The following ULK2 variants were observed in gnomAD, a reference collection of about 807,000 sequenced individuals.
ULK2 encodes unc-51 like autophagy activating kinase 2, also known as serine/threonine-protein kinase ULK2.
A neutral mutation model predicts 127.5 loss-of-function variants in ULK2; 76 were observed. That is an observed-to-expected ratio of 0.60 (90% confidence interval 0.50 to 0.72). The LOEUF (loss-of-function observed/expected upper bound fraction) is 0.72, where lower values mean the gene tolerates loss of function less well. Among genes scored for constraint, ULK2 ranks in the 30% least tolerant of loss-of-function variants. The pLI is 0.00. For synonymous variants in ULK2, 452 were observed against 461.9 expected, an observed-to-expected ratio of 0.98 and a Z score of 0.28; for missense variants, 1,144 against 1,295.9, an observed-to-expected ratio of 0.88 and a Z score of 1.80.
chr17:19,860,936 C>A (rs1458172304), intron 3 of ULK2: 3 of 151,990 alleles, frequency 2.0e-5, no homozygotes, highest in Non-Finnish European at 4.4e-5. Context: ...CAATGCAGCT[C>A]CCACCTTAAT....
intron 15 of ULK2, among the ~76,000 whole-genome samples, chr17:19,802,175 C>A (rs1304387352): frequency 2.6e-5 from 4 of 152,160 alleles, no homozygotes; most frequent in African/African-American, 9.7e-5. Flanking sequence ...GTATATCCTT[C>A]CAGAGTTCCT....
intron 22 of ULK2, among the ~76,000 whole-genome samples, chr17:19,782,344 G>C (rs2086937359): frequency 6.6e-6 from 1 of 152,002 alleles, no homozygotes; most frequent in Non-Finnish European, 1.5e-5. Flanking sequence ...AAAAAGAAAA[G>C]AAAGCTGAAC....
At chr17:19,807,219 A>AACCTGCTC (rs1448300909) in intron 14 of ULK2, among the ~76,000 whole-genome samples, 1 of 152,196 alleles carries the variant, frequency 6.6e-6, no homozygotes, top group Non-Finnish European at 1.5e-5. Context: ...AAGTGGAGAT[A>AACCTGCTC]ACCTGCTCAT....
rs2087111421 is a variant in ULK2, at chr17:19,789,758, T to C, written c.2102-3672A>G. 1.3e-5 allele frequency among the ~76,000 whole-genome samples: 2 copies of C among 151,574 alleles called. 1 individual carries two copies. The highest frequency in any genetic ancestry group is 1.3e-4 in the Admixed American group (2 of 15,220). On this transcript the variant is annotated intron_variant, in intron 20 of 26. Transcript: ENST00000395544. ...GAGGTGAAAAATGCAATTGACACAC[T>C]GAAGAATGCAATGGAGTCTCTTAAT...
intron 10 of ULK2, among the ~76,000 whole-genome samples, chr17:19,832,767 T>C (rs868630202): frequency 6.6e-6 from 1 of 152,180 alleles, no homozygotes; most frequent in Admixed American, 6.5e-5. Flanking sequence ...GATAAATCAA[T>C]GTTCAAAAAC....
chr17:19,847,887 G>A (rs2041921100), intron 5 of ULK2, among the ~76,000 whole-genome samples: 1 of 152,140 alleles, frequency 6.6e-6, no homozygotes, highest in Non-Finnish European at 1.5e-5. Context: ...AGAGCATGTT[G>A]TGGTTAACAG....
At chr17:19,815,185 G>A (rs1204869782) in intron 13 of ULK2, among the ~76,000 whole-genome samples, 1 of 152,112 alleles carries the variant, frequency 6.6e-6, no homozygotes, top group East Asian at 1.9e-4. Context: ...GAAATCTACA[G>A]GAAGAATATA....
intron 21 of ULK2, among the ~76,000 whole-genome samples, chr17:19,784,834 T>G (rs2086994904): frequency 6.6e-6 from 1 of 152,086 alleles, no homozygotes; most frequent in Non-Finnish European, 1.5e-5. Context: ...TCTTGGGCAT[T>G]GTACTTTTTA....
At chr17:19,862,639 T>C (rs1352991138) in intron 3 of ULK2, among the ~76,000 whole-genome samples, 1 of 151,940 alleles carries the variant, frequency 6.6e-6, no homozygotes, top group Middle Eastern at 3.2e-3. Flanking sequence ...CTAATTTTTG[T>C]ATTTTTAGTA....
intron 10 of ULK2, among the ~76,000 whole-genome samples, chr17:19,826,852 G>C (rs1015271085): frequency 6.6e-6 from 1 of 151,976 alleles, no homozygotes; most frequent in Non-Finnish European, 1.5e-5. Context: ...AGCTACTCGG[G>C]AGGCTGAGGC....
Position 19,804,722 on chromosome 17 carries a change from G to C in ULK2, c.1266C>G (p.Ser422Arg). The C allele has an allele frequency of 6.2e-7, 1 of 1,609,088 alleles. No homozygotes were observed. The highest frequency in any genetic ancestry group is 8.5e-7 in the Non-Finnish European group (1 of 1,177,204). ...GAGAACCATGTACATTTGTGCCTGA[G>C]CTGGCAGTAGATGTAAGATTCTGCT... Reference protein sequence around the residue: ...RIEQNLTSTASSGTNVHGSPR... With the variant: ...RIEQNLTSTARSGTNVHGSPR... The change falls in exon 15 of 27, where the codon AGC becomes AGG. Residue 422 changes from serine to arginine, a missense_variant. By Grantham distance (110) the Ser-to-Arg change is moderately radical. This residue lies in a region of ULK2 where 913 missense variants were observed against 970.5 expected (regional missense o/e 0.94). Coordinates refer to ENST00000395544, the MANE Select transcript of ULK2 (RefSeq NM_014683.4).
intron 10 of ULK2, among the ~76,000 whole-genome samples, chr17:19,830,308 C>T (rs906795000): frequency 3.9e-5 from 6 of 152,104 alleles, no homozygotes; most frequent in African/African-American, 1.4e-4. Context: ...GAAGTAATCC[C>T]TCTTACCTCA....
rs961881207 is a variant in ULK2, at chr17:19,865,844, A to T, written c.91-16T>A. 3 of 1,449,864 alleles carry T rather than the reference A, an allele frequency of 2.1e-6. No homozygotes were observed. The highest frequency in any genetic ancestry group is 2.8e-5 in the African/African-American group (2 of 70,806). The allele number at this position is 1,449,864 out of a possible 1,614,324, so 89.8% of individuals were successfully genotyped here. ...AATCAGTTTTCTGAAAAGGAAAAACAGTGTTACTCCTAGATACCATTCCAC... is the reference window on the plus strand; with the variant it reads ...AATCAGTTTTCTGAAAAGGAAAAACTGTGTTACTCCTAGATACCATTCCAC... On this transcript the variant is annotated splice_polypyrimidine_tract_variant and intron_variant, in intron 1 of 26. Coordinates refer to ENST00000395544, the MANE Select transcript of ULK2 (RefSeq NM_014683.4).
At chr17:19,799,878 G>A (rs1230760678) in intron 16 of ULK2, among the ~76,000 whole-genome samples, 1 of 152,230 alleles carries the variant, frequency 6.6e-6, no homozygotes, top group Non-Finnish European at 1.5e-5. Flanking sequence ...CAAAGAGTTT[G>A]TACAAAGTGT....
intron 13 of ULK2, among the ~76,000 whole-genome samples, chr17:19,814,438 A>ATTTTTTTTT (rs1187090319): frequency 8.6e-5 from 2 of 23,332 alleles, no homozygotes; most frequent in African/African-American, 3.8e-4. Context: ...ATATATATAT[A>ATTTTTTTTT]TTTTTTTTTT....
rs776840212 is a variant in ULK2, at chr17:19,780,548, G to A, written c.2840C>T (p.Ser947Phe). ...KLTEKLNRFF[S>F]DKQRFIDEIN... ...TTCATCAATAAACCTCTGTTTGTCA[G>A]AGAAGAATCGATTCAGCTTTTCTGT... The change falls in exon 25 of 27, where the codon TCT (serine) becomes TTT (phenylalanine). Residue 947 changes from serine to phenylalanine, a missense_variant. Around this residue, in one of 2 missense-constraint regions of ULK2, gnomAD observed 913 missense variants for 970.5 expected, o/e 0.94. Transcript: ENST00000395544. 2.3e-5 allele frequency: 37 copies of A among 1,613,790 alleles called. No homozygotes were observed. Among genetic ancestry groups the A allele is most frequent in the Non-Finnish European group, 3.1e-5 (36 of 1,179,942 alleles).
At chr17:19,782,622 A>C (rs2152381936) in intron 22 of ULK2, among the ~76,000 whole-genome samples, 1 of 152,334 alleles carries the variant, frequency 6.6e-6, no homozygotes, top group South Asian at 2.1e-4. Flanking sequence ...TCATTTAAAA[A>C]TGGGCATTCT....
At position 19,801,905 on chromosome 17, in the gene ULK2, C is replaced by T; in HGVS notation, c.1313G>A (p.Arg438Lys). The T allele has an allele frequency of 6.2e-7, 1 of 1,608,380 alleles. No homozygotes were observed. The highest frequency in any genetic ancestry group is 1.1e-5 in the South Asian group (1 of 90,406). ...GAAGCCCATGGGGCTGGTGTTGGAC[C>T]TTCGTACCACTGCAGATCTGAAAAG... Reference protein sequence around the residue: ...HGSPRSAVVRRSNTSPMGFLR... With the variant: ...HGSPRSAVVRKSNTSPMGFLR... Residue 438 changes from arginine (R) to lysine (K), a missense_variant, in exon 16 of 27, where the codon AGG becomes AAG. By Grantham distance (26) the Arg-to-Lys change is conservative (BLOSUM62 2). Coordinates refer to ENST00000395544, the MANE Select transcript of ULK2 (RefSeq NM_014683.4).
At chr17:19,861,444 C>G (rs1370904727) in intron 3 of ULK2, among the ~76,000 whole-genome samples, 1 of 152,076 alleles carries the variant, frequency 6.6e-6, no homozygotes, top group Non-Finnish European at 1.5e-5. Flanking sequence ...ACTCTGGAGG[C>G]TGAGGCAGGA....
Sources: gnomAD v4.1 joint callset for allele counts (sites outside exome capture counted in the v4.1 genomes callset) on GRCh38, gnomAD v4.1.1 for gene constraint, gnomAD v4.1.1 regional missense constraint, MANE v1.5 for transcripts, NCBI Gene and HGNC (gene_info 2026-07-23, HGNC 2026-07-21) for gene names.